The following TIAM1 variants were observed in gnomAD, a reference collection of about 807,000 sequenced individuals.
TIAM1 encodes the protein rho guanine nucleotide exchange factor TIAM1.
In TIAM1, 65 loss-of-function variants were observed where a neutral mutation model predicts 163.5. The observed-to-expected ratio is 0.40, with a 90% CI of 0.33 to 0.49. The LOEUF (loss-of-function observed/expected upper bound fraction) is 0.49. Among genes scored for constraint, TIAM1 ranks in the 20% least tolerant of loss-of-function variants. The pLI is 0.77. For synonymous variants in TIAM1, 833 were observed against 810.1 expected, an observed-to-expected ratio of 1.03 and a Z score of -0.48; for missense variants, 1,789 against 2,044.7, an observed-to-expected ratio of 0.87 and a Z score of 2.41.
rs200748934 is a variant in TIAM1 at position 31,366,561 on chromosome 21, T to G, written c.-368-27139A>C. 4.6e-5 allele frequency among the ~76,000 whole-genome samples: 7 copies of G among 152,302 alleles called. No individual in the cohort carries two copies. The East Asian group carries it at 1.2e-3, about 25-fold the overall frequency. The stretch of plus-strand genomic sequence containing the variant: ...CACTATGTAGCCATATCCTACAGGC[T>G]TTCTTTGCAATACTTAAGTTTCCAA... On this transcript the variant is annotated intron_variant, in intron 2 of 28. Coordinates refer to the TIAM1 transcript ENST00000286827.
intron 2 of TIAM1, among the ~76,000 whole-genome samples, chr21:31,290,280 C>T (rs2833367): frequency 0.028 from 4,179 of 151,814 alleles, 173 homozygotes; most frequent in African/African-American, 0.092. Context: ...AATACAGGGC[C>T]GATCTGGGAC....
In TIAM1 at chr21:31,357,057, T is replaced by TA. The variant is rs78526669; in HGVS notation, c.-368-17636dup. Among the ~76,000 whole-genome samples, 27 of 152,352 alleles carry TA rather than the reference T, an allele frequency of 1.8e-4. No individual in the cohort carries two copies. The East Asian group carries it at 4.8e-3, about 27-fold the overall frequency. ...TCCCTCAACTCCCTGGCCCATCTTTTACTTGGTCATATCCTTTTGGCAAAA... is the reference window on the plus strand; with the variant it reads ...TCCCTCAACTCCCTGGCCCATCTTTTAACTTGGTCATATCCTTTTGGCAAAA... On this transcript the variant is annotated intron_variant, in intron 2 of 28. Coordinates refer to the TIAM1 transcript ENST00000286827.
Position 31,141,148 on chromosome 21 carries a change from C to T in TIAM1, c.3744G>A (p.Leu1248=). ...HEEFGAVFDQ[L]IAEQTGEKKE... is the part of the protein sequence containing the mutation. ...TTTTCTCACCAGTCTGTTCAGCAAT[C>T]AGCTGGTCAAACACAGCCCCAAACT... Residue 1248 remains leucine, a synonymous_variant, in exon 22 of 28, where the codon CTG becomes CTA. Transcript: ENST00000541036. The surrounding 1 kb of genome is among the most constrained non-coding windows in gnomAD (Gnocchi z 4.7). The T allele has an allele frequency of 1.9e-6, 3 of 1,614,216 alleles. No homozygotes were observed. Among genetic ancestry groups the T allele is most frequent in the Non-Finnish European group, 8.5e-7 (1 of 1,180,014 alleles).
intron 2 of TIAM1, among the ~76,000 whole-genome samples, chr21:31,368,762 G>A (rs536624634): frequency 1.3e-5 from 2 of 152,172 alleles, no homozygotes; most frequent in African/African-American, 4.8e-5. Flanking sequence ...AGCAGCAGGG[G>A]GAAATATGGC....
rs144491744 is a variant in TIAM1, at chr21:31,422,733, T to C, written c.-369+41250A>G. On this transcript the variant is annotated intron_variant, in intron 2 of 28. Transcript: ENST00000286827. ...CCAATGAGCACCTCTCATGAACACA[T>C]TGAGTATCTTTGTACCTTTGCTCAT... Among the ~76,000 whole-genome samples, 919 of 152,302 alleles carry C rather than the reference T, an allele frequency of 6.0e-3. 7 individuals carry two copies. The highest frequency in any genetic ancestry group is 8.2e-3 in the Admixed American group (125 of 15,302).
At chr21:31,235,215 T>C (rs1330685055) in intron 6 of TIAM1, among the ~76,000 whole-genome samples, 1 of 151,894 alleles carries the variant, frequency 6.6e-6, no homozygotes, top group African/African-American at 2.4e-5. Flanking sequence ...TTAGAAAATA[T>C]CACTGCCACA....
chr21:31,154,452 GGCA>G, intron 16 of TIAM1, 26 bp from the exon 17 acceptor site: 1 of 1,604,420 alleles, frequency 6.2e-7, no homozygotes. Flanking sequence ...GGGAAGGGAA[GGCA>G]GAGGTCATTA....
intron 2 of TIAM1, among the ~76,000 whole-genome samples, chr21:31,405,814 C>T (rs12627565): frequency 0.13 from 19,191 of 151,966 alleles, 2,158 homozygotes; most frequent in African/African-American, 0.3. Context: ...TTTGGGTAGG[C>T]GACACAGAGC....
At chr21:31,219,335 GC>G (rs2087414911) in intron 8 of TIAM1, among the ~76,000 whole-genome samples, 1 of 152,170 alleles carries the variant, frequency 6.6e-6, no homozygotes, top group African/African-American at 2.4e-5. Flanking sequence ...AGGAGGAACA[GC>G]GAGTCAGACT....
At position 31,202,859 on chromosome 21, in the gene TIAM1, T is replaced by A. The variant is rs997174056; in HGVS notation, c.2493+49A>T. 12 of 1,515,296 alleles carry A rather than the reference T, an allele frequency of 7.9e-6. No individual in the cohort carries two copies. In the African/African-American group the frequency reaches 1.2e-4, roughly 16 times the overall value. The allele number at this position is 1,515,296 out of a possible 1,614,324, so 93.9% of individuals were successfully genotyped here. A position where few individuals can be genotyped will look rare whatever the true frequency, so the allele number is the denominator to read the frequency against. ...AATTAACACGAGAACACTCATAATT[T>A]GAAGATAATCTCCCATAAAGTGTGC... On this transcript the variant is annotated intron_variant, in intron 12 of 27. Coordinates refer to ENST00000541036, the MANE Select transcript of TIAM1 (RefSeq NM_001353694.2).
chr21:31,476,720 T>C (rs1452689533), intron 1 of TIAM1, among the ~76,000 whole-genome samples: 2 of 152,188 alleles, frequency 1.3e-5, no homozygotes, highest in Admixed American at 6.5e-5. Flanking sequence ...TTTTTCTTAA[T>C]TGCCACCATG....
chr21:31,169,934 A>C (rs1251347062), intron 15 of TIAM1, among the ~76,000 whole-genome samples: 2 of 152,214 alleles, frequency 1.3e-5, no homozygotes, highest in Non-Finnish European at 2.9e-5. Flanking sequence ...GAAATAGATT[A>C]TACAGGTTGA....
chr21:31,210,888 T>C (rs568919339), intron 10 of TIAM1, among the ~76,000 whole-genome samples: 1 of 152,216 alleles, frequency 6.6e-6, no homozygotes, highest in African/African-American at 2.4e-5. Flanking sequence ...AGGGAATTCC[T>C]ACAACAAGCA....
At chr21:31,492,882 C>T (rs775651627) in intron 1 of TIAM1, among the ~76,000 whole-genome samples, 42 of 151,546 alleles carry the variant, frequency 2.8e-4, no homozygotes, top group African/African-American at 8.7e-4. Flanking sequence ...AAGGTACATA[C>T]GTGCTCAGTG....
At chr21:31,308,144 G>A (rs746790742) in intron 2 of TIAM1, among the ~76,000 whole-genome samples, 11 of 152,062 alleles carry the variant, frequency 7.2e-5, no homozygotes, top group Non-Finnish European at 1.6e-4. Context: ...CCAGCTATTC[G>A]GGAGGCTAAA....
intron 2 of TIAM1, among the ~76,000 whole-genome samples, chr21:31,431,387 G>A (rs931695431): frequency 6.6e-6 from 1 of 152,066 alleles, no homozygotes; most frequent in African/African-American, 2.4e-5. Flanking sequence ...GATGGGGGTG[G>A]GCAAGAATGT....
chr21:31,298,799 T>TGAGA lies in TIAM1; in HGVS notation c.-188-21895_-188-21892dup, dbSNP rs72318608. Among the ~76,000 whole-genome samples, 787 of 130,038 alleles carry TGAGA rather than the reference T, an allele frequency of 6.1e-3. 5 individuals are homozygous for TGAGA. Among genetic ancestry groups the TGAGA allele is most frequent in the East Asian group, 0.025 (112 of 4,530 alleles). The allele number at this position is 130,038 out of a possible 152,430, so 85.3% of individuals were successfully genotyped here. On this transcript the variant is annotated intron_variant, in intron 2 of 27. Coordinates refer to ENST00000541036, the MANE Select transcript of TIAM1 (RefSeq NM_001353694.2). ...CAGAGAGAGAGAGAAAAAAAAACAA[T>TGAGA]GAGAGAGAGAGAGAGAGAGAGAGAG... is the stretch of plus-strand genomic sequence containing the variant.
At chr21:31,164,708 T>C (rs2146363893) in intron 16 of TIAM1, among the ~76,000 whole-genome samples, 1 of 152,292 alleles carries the variant, frequency 6.6e-6, no homozygotes, top group East Asian at 1.9e-4. Context: ...AACTGGGAGC[T>C]CCAGCAGTGG....
intron 1 of TIAM1, among the ~76,000 whole-genome samples, chr21:31,527,844 T>C (rs1487209993): frequency 3.9e-5 from 6 of 152,220 alleles, no homozygotes; most frequent in Admixed American, 1.3e-4. Flanking sequence ...GTTGATCACA[T>C]TGAGTCCCCT....
Sources: allele counts gnomAD v4.1 joint callset (sites outside exome capture counted in the v4.1 genomes callset), GRCh38; gene constraint gnomAD v4.1.1; non-coding constraint Gnocchi (gnomAD v3.1); transcripts MANE v1.5; gene names NCBI Gene and HGNC (gene_info 2026-07-23, HGNC 2026-07-21).